KNL1: variants seen among roughly 807,000 people sequenced by gnomAD.
KNL1 encodes kinetochore scaffold 1.
In KNL1, 66 loss-of-function variants were observed where a neutral mutation model predicts 201.3. That is an observed-to-expected ratio of 0.33 (90% CI 0.27 to 0.40). The LOEUF is 0.40. Ranked by LOEUF, KNL1 falls within the 10% of genes least tolerant of loss-of-function variation. KNL1 has a pLI of 1.00. For missense variants in KNL1, 2,815 were observed against 2,690.5 expected, an observed-to-expected ratio of 1.05 and a Z score of -1.02; for synonymous variants, 895 against 899.2, an observed-to-expected ratio of 1.00 and a Z score of 0.08.
intron 21 of KNL1, among the ~76,000 whole-genome samples, chr15:40,654,528 G>C (rs1446658559): frequency 1.3e-5 from 2 of 150,126 alleles, no homozygotes; most frequent in Non-Finnish European, 3.0e-5. Context: ...AGAAGGAGTA[G>C]GATTCTAAAG....
At position 40,622,482 on chromosome 15, in the gene KNL1, T is replaced by G. The variant is rs998926457; in HGVS notation, c.2218T>G (p.Leu740Val). The change falls in exon 10 of 26, where the codon TTA (leucine) becomes GTA (valine). Residue 740 changes from leucine to valine, a missense_variant. Transcript: ENST00000399668. ...SKLAEPLRKSLSNPTPDYCHD... is the reference protein window; with the variant it reads ...SKLAEPLRKSVSNPTPDYCHD... ...ACTGGCTGAGCCACTGAGGAAAAGT[T>G]TAAGCAATCCCACACCTGACTATTG... The G allele has an allele frequency of 1.2e-6, 2 of 1,613,992 alleles. No homozygotes were observed. The highest frequency in any genetic ancestry group is 1.7e-6 in the Non-Finnish European group (2 of 1,179,934).
In KNL1 at chr15:40,643,957, A is replaced by G. The variant is rs908133476; in HGVS notation, c.5799-1040A>G. On this transcript the variant is annotated intron_variant, in intron 14 of 25. Coordinates refer to ENST00000399668, the MANE Select transcript of KNL1 (RefSeq NM_144508.5). ...TGGCTTCTGAACCCTACGCTTGAAG[A>G]GGTGGCCTGCCCCTCCACACTTGTG... 3.3e-5 allele frequency among the ~76,000 whole-genome samples: 5 copies of G among 152,152 alleles called. No individual in the cohort carries two copies. The East Asian group carries it at 9.6e-4, about 29-fold the overall frequency.
intron 4 of KNL1, among the ~76,000 whole-genome samples, chr15:40,608,056 T>C (rs1261206550): frequency 6.6e-6 from 1 of 152,064 alleles, no homozygotes; most frequent in African/African-American, 2.4e-5. Context: ...CAAGTGTCCA[T>C]TGATGGATGA....
chr15:40,604,987 T>G, intron 2 of KNL1, 123 bp from the exon 3 acceptor site: 4 of 609,658 alleles, frequency 6.6e-6, no homozygotes, highest in Non-Finnish European at 1.2e-5. Flanking sequence ...TAAATTTTGC[T>G]TGCCAGAGTG....
chr15:40,625,843 T>G (rs1284781329), intron 10 of KNL1: 7 of 484,484 alleles, frequency 1.4e-5, no homozygotes, highest in Non-Finnish European at 1.5e-5. Context: ...CAATTTAAAG[T>G]GACAAATAGT....
rs745720344 is a variant in KNL1, at chr15:40,629,335, G to T, written c.5646G>T (p.Leu1882Phe). The change falls in exon 13 of 26, where the codon TTG (leucine) becomes TTT (phenylalanine). Residue 1882 changes from leucine to phenylalanine, a missense_variant. By Grantham distance (22) the Leu-to-Phe change is conservative. This residue lies in a region of KNL1 where 2,464 missense variants were observed against 2,291.7 expected (regional missense o/e 1.08). Transcript: ENST00000399668. ...TTATACTTCTCCAGGTCCACATCTT[G>T]ATACAGAAACCCCGACAGAGCAATC... The part of the protein sequence containing the change: ...EFFILLQVHI[L>F]IQKPRQSNLP... The T allele has an allele frequency of 6.2e-7, 1 of 1,606,518 alleles. No individual in the cohort carries two copies. The highest frequency in any genetic ancestry group is 1.7e-5 in the Admixed American group (1 of 57,596).
chr15:40,603,455 T>C (rs1289857350), intron 2 of KNL1, among the ~76,000 whole-genome samples: 1 of 152,176 alleles, frequency 6.6e-6, no homozygotes, highest in Non-Finnish European at 1.5e-5. Flanking sequence ...CTCATAGCTT[T>C]CCTTGCCATT....
intron 13 of KNL1, among the ~76,000 whole-genome samples, chr15:40,639,585 CAAA>C (rs139167651): frequency 1.6e-5 from 2 of 128,228 alleles, no homozygotes; most frequent in African/African-American, 5.9e-5. Flanking sequence ...AACTTCATCT[CAAA>C]AAAAAAAAAA....
Position 40,623,434 on chromosome 15 carries a change from C to T in KNL1, c.3170C>T (p.Pro1057Leu). ...CAAAGTCCTGGATTTCTGAATGAAC[C>T]TCTATCAAGCAAAAGTCAGAGAAGA... ...DVQSPGFLNE[P>L]LSSKSQRRKS... Residue 1057 changes from proline to leucine, a missense_variant, in exon 10 of 26, where the codon CCT (proline) becomes CTT (leucine). Transcript: ENST00000399668. The T allele has an allele frequency of 6.2e-7, 1 of 1,612,712 alleles. No individual in the cohort carries two copies. The highest frequency in any genetic ancestry group is 8.5e-7 in the Non-Finnish European group (1 of 1,179,636).
At chr15:40,633,238 G>C (rs1056354769) in intron 13 of KNL1, among the ~76,000 whole-genome samples, 9 of 151,526 alleles carry the variant, frequency 5.9e-5, no homozygotes, top group African/African-American at 2.2e-4. Flanking sequence ...TTGAACCCAG[G>C]AGGCGGAGGC....
At chr15:40,639,733 C>T (rs1451575352) in intron 13 of KNL1, among the ~76,000 whole-genome samples, 1 of 151,614 alleles carries the variant, frequency 6.6e-6, no homozygotes, top group Non-Finnish European at 1.5e-5. Context: ...GTGATCACAC[C>T]ATTACATTGC....
intron 17 of KNL1, among the ~76,000 whole-genome samples, chr15:40,649,320 G>C (rs1364125477): frequency 2.0e-5 from 3 of 151,644 alleles, no homozygotes; most frequent in African/African-American, 4.8e-5. Flanking sequence ...TTTTGAGACA[G>C]AATCTCTCTC....
intron 8 of KNL1, among the ~76,000 whole-genome samples, chr15:40,617,948 A>G (rs1892395053): frequency 7.2e-6 from 1 of 138,884 alleles, no homozygotes; most frequent in Non-Finnish European, 1.6e-5. Flanking sequence ...AATGAATGGA[A>G]GCCTGAAATA....
At chr15:40,629,473 T>A in intron 13 of KNL1, 102 bp downstream of exon 13, 4 of 410,206 alleles carry the variant, frequency 9.8e-6, no homozygotes, top group East Asian at 1.5e-4. Flanking sequence ...AGAGTTTTCT[T>A]TTTTTTTTTT....
At chr15:40,634,833 T>C (rs1893009475) in intron 13 of KNL1, among the ~76,000 whole-genome samples, 1 of 152,034 alleles carries the variant, frequency 6.6e-6, no homozygotes, top group African/African-American at 2.4e-5. Context: ...CCTTGACAAA[T>C]TGATGTTATG....
intron 13 of KNL1, among the ~76,000 whole-genome samples, chr15:40,637,873 GAA>G (rs372582308): frequency 1.3e-5 from 2 of 148,602 alleles, no homozygotes; most frequent in Non-Finnish European, 3.0e-5. Flanking sequence ...CCAAAAATCT[GAA>G]AAAAAAAATC....
At chr15:40,596,307 C>T (rs925119104) in intron 1 of KNL1, among the ~76,000 whole-genome samples, 37 of 152,120 alleles carry the variant, frequency 2.4e-4, no homozygotes, top group Admixed American at 1.9e-3. Context: ...GACGGAGTCT[C>T]GCTCTGTCAC....
rs1892159133 is a variant in KNL1 at position 40,611,468 on chromosome 15, T to G, written c.251-10T>G. Reference sequence around the variant, plus strand: ...TCCTTGGACAAATTTAATTTTAATTTTATTTTTAGAAACAGAAACAGGAGA... The same window carrying G: ...TCCTTGGACAAATTTAATTTTAATTGTATTTTTAGAAACAGAAACAGGAGA... On this transcript the variant is annotated splice_polypyrimidine_tract_variant and intron_variant, in intron 6 of 25. Coordinates refer to ENST00000399668, the MANE Select transcript of KNL1 (RefSeq NM_144508.5). 4.3e-6 allele frequency: 1 copy of G among 234,330 alleles called. No individual in the cohort carries two copies. The highest frequency in any genetic ancestry group is 8.2e-6 in the Non-Finnish European group (1 of 122,470). The allele number at this position is 234,330 out of a possible 1,614,324, so 14.5% of individuals were successfully genotyped here. A position where few individuals can be genotyped will look rare whatever the true frequency, so the allele number is the denominator to read the frequency against.
chr15:40,594,406 C>T lies in KNL1; in HGVS notation c.-18+14C>T, dbSNP rs963225846. 3.3e-5 allele frequency: 5 copies of T among 152,288 alleles called. No individual in the cohort carries two copies. Among genetic ancestry groups the T allele is most frequent in the African/African-American group, 1.2e-4 (5 of 41,464 alleles). 9.4% of individuals were successfully genotyped at this position (152,288 alleles called of 1,614,324 possible). A position where few individuals can be genotyped will look rare whatever the true frequency, so the allele number is the denominator to read the frequency against. On this transcript the variant is annotated intron_variant, in intron 1 of 25. Transcript: ENST00000399668. Reference sequence around the variant, plus strand: ...TTGCCGCGGCAGGTAAAGAGAATGACTCTTTCGTTCTGGGCTTCAGGGAAG... The same window carrying T: ...TTGCCGCGGCAGGTAAAGAGAATGATTCTTTCGTTCTGGGCTTCAGGGAAG...
Sources: gnomAD v4.1 joint callset for allele counts (sites outside exome capture counted in the v4.1 genomes callset) on GRCh38, gnomAD v4.1.1 for gene constraint, gnomAD v4.1.1 regional missense constraint, MANE v1.5 for transcripts, NCBI Gene and HGNC (gene_info 2026-07-23, HGNC 2026-07-21) for gene names.